HIPK2: variants seen among roughly 807,000 people sequenced by gnomAD.
The protein encoded by HIPK2 is homeodomain interacting protein kinase 2.
A neutral mutation model predicts 113.7 loss-of-function variants in HIPK2; 27 were observed. The observed-to-expected ratio is 0.24, with a 90% CI of 0.17 to 0.33. The LOEUF (loss-of-function observed/expected upper bound fraction) is 0.33, where lower values mean the gene tolerates loss of function less well. Among genes scored for constraint, HIPK2 ranks in the 10% least tolerant of loss-of-function variants. The pLI is 1.00. For missense variants in HIPK2, 1,257 were observed against 1,588.0 expected (o/e 0.79, Z 3.54); for synonymous variants, 631 against 642.2 (o/e 0.98, Z 0.26).
chr7:139,648,362 T>G (rs1335005474), intron 2 of HIPK2, among the ~76,000 whole-genome samples: 2 of 152,172 alleles, frequency 1.3e-5, no homozygotes, highest in Non-Finnish European at 2.9e-5. Context: ...TAGAGGTTGA[T>G]AGACTTCAGA....
intron 2 of HIPK2, among the ~76,000 whole-genome samples, chr7:139,694,155 T>C (rs1794496668): frequency 6.6e-6 from 1 of 152,214 alleles, no homozygotes; most frequent in African/African-American, 2.4e-5. Flanking sequence ...CTGGCTGTAA[T>C]AGATGCACTT....
Position 139,583,983 on chromosome 7 carries a change from G to A in HIPK2, c.2799C>T (p.Thr933=). The change falls in exon 13 of 15, where the codon ACC becomes ACT. Residue 933 remains threonine (T), a synonymous_variant. Transcript: ENST00000406875. ...DSPYSDSSSN[T]SPYSVQQRAG... is the part of the protein sequence containing the mutation. Reference sequence around the variant, plus strand: ...CACGCTGCTGCACGGAGTAGGGGCTGGTGTTGCTGGAGGAGTCGGAGTAGG... The same window carrying A: ...CACGCTGCTGCACGGAGTAGGGGCTAGTGTTGCTGGAGGAGTCGGAGTAGG... 1.2e-6 allele frequency: 2 copies of A among 1,613,976 alleles called. No homozygotes were observed. The highest frequency in any genetic ancestry group is 1.7e-6 in the Non-Finnish European group (2 of 1,179,832).
rs1390546492 is a variant in HIPK2, at chr7:139,631,848, T to C, written c.1104-123A>G. On this transcript the variant is annotated intron_variant, in intron 2 of 14. Coordinates refer to ENST00000406875, the MANE Select transcript of HIPK2 (RefSeq NM_022740.5). The surrounding 1 kb of genome is among the most constrained non-coding windows in gnomAD (Gnocchi z 4.9). Reference sequence around the variant, plus strand: ...ACTCCTCCTCTGAAGGGCCTGTGGCTCTCAGGAGAGGCGCTGTGCTACAAC... The same window carrying C: ...ACTCCTCCTCTGAAGGGCCTGTGGCCCTCAGGAGAGGCGCTGTGCTACAAC... 1 of 1,247,936 alleles carries C rather than the reference T, an allele frequency of 8.0e-7. No homozygotes were observed. Among genetic ancestry groups the C allele is most frequent in the African/African-American group, 1.5e-5 (1 of 65,474 alleles). The allele number at this position is 1,247,936 out of a possible 1,614,324, so 77.3% of individuals were successfully genotyped here.
chr7:139,586,233 T>C (rs1227493562), intron 12 of HIPK2, among the ~76,000 whole-genome samples: 1 of 152,158 alleles, frequency 6.6e-6, no homozygotes, highest in Non-Finnish European at 1.5e-5. Context: ...GTTATGACAG[T>C]TTAAATGTGA....
intron 1 of HIPK2, among the ~76,000 whole-genome samples, chr7:139,765,135 CAA>C (rs113415401): frequency 2.3e-5 from 3 of 130,442 alleles, no homozygotes; most frequent in African/African-American, 8.2e-5. Context: ...GACTCTGTCT[CAA>C]AAAAAAAAAA....
chr7:139,762,848 G>A (rs1304464314), intron 1 of HIPK2, among the ~76,000 whole-genome samples: 2 of 152,158 alleles, frequency 1.3e-5, no homozygotes, highest in Admixed American at 6.5e-5. Context: ...GAAGGCAGGT[G>A]GAAAACAAAT....
rs1798413308 is a variant in HIPK2, at chr7:139,574,257, C to T, written c.3127-860G>A. Among the ~76,000 whole-genome samples the T allele has an allele frequency of 3.3e-5, 5 of 152,110 alleles. No individual in the cohort carries two copies. In the South Asian group the frequency reaches 1.0e-3, roughly 32 times the overall value. ...GGGTGTGGTGGCTCATGCCTGTAGTCTCAGCTACTCGGGAGGCTAAGGTGG... is the reference window on the plus strand; with the variant it reads ...GGGTGTGGTGGCTCATGCCTGTAGTTTCAGCTACTCGGGAGGCTAAGGTGG... On this transcript the variant is annotated intron_variant, in intron 14 of 14. Transcript: ENST00000406875.
intron 13 of HIPK2, among the ~76,000 whole-genome samples, chr7:139,579,285 T>G (rs1798591065): frequency 6.6e-6 from 1 of 152,098 alleles, no homozygotes; most frequent in Non-Finnish European, 1.5e-5. Flanking sequence ...CAAAGACAGA[T>G]CTACACCTCA....
chr7:139,651,165 C>T (rs533130452), intron 2 of HIPK2, among the ~76,000 whole-genome samples: 13 of 152,138 alleles, frequency 8.5e-5, no homozygotes, highest in Non-Finnish European at 1.8e-4. Flanking sequence ...GTCCTCCATC[C>T]AGCCCCTGCC....
At chr7:139,615,181 C>T (rs772522862) in intron 7 of HIPK2, among the ~76,000 whole-genome samples, 21 of 152,154 alleles carry the variant, frequency 1.4e-4, no homozygotes, top group African/African-American at 3.6e-4. Context: ...ATGCAACAGG[C>T]GGAGAGCAGG....
At chr7:139,657,523 A>G (rs1344974359) in intron 2 of HIPK2, among the ~76,000 whole-genome samples, 3 of 152,144 alleles carry the variant, frequency 2.0e-5, no homozygotes, top group African/African-American at 7.2e-5. Flanking sequence ...CCTCCACCCA[A>G]ATGATTCTTG....
intron 11 of HIPK2, among the ~76,000 whole-genome samples, chr7:139,597,266 T>C (rs1799256656): frequency 6.6e-6 from 1 of 152,150 alleles, no homozygotes; most frequent in Non-Finnish European, 1.5e-5. Context: ...GAGGGGGCTC[T>C]TGTGCCCCAG....
At chr7:139,618,431 T>C (rs1329587748) in intron 7 of HIPK2, among the ~76,000 whole-genome samples, 3 of 152,078 alleles carry the variant, frequency 2.0e-5, no homozygotes, top group African/African-American at 7.2e-5. Flanking sequence ...TGGGATGTCA[T>C]TTTCCCTTAC....
rs868157815 is a variant in HIPK2, at chr7:139,575,008, C to T, written c.3126+120G>A. 75 of 1,323,444 alleles carry T rather than the reference C, an allele frequency of 5.7e-5. 1 individual carries two copies. In the Middle Eastern group the frequency reaches 1.1e-3, roughly 19 times the overall value. 82.0% of individuals were successfully genotyped at this position (1,323,444 alleles called of 1,614,324 possible). On this transcript the variant is annotated intron_variant, in intron 14 of 14. Coordinates refer to ENST00000406875, the MANE Select transcript of HIPK2 (RefSeq NM_022740.5). ...GTCACCAAGGGCATGTGCTGCCACC[C>T]GTGGCCAGGACTGCAGCCCTGTGAG...
At chr7:139,730,210 C>T (rs951833691) in intron 1 of HIPK2, among the ~76,000 whole-genome samples, 4 of 152,170 alleles carry the variant, frequency 2.6e-5, no homozygotes, top group African/African-American at 9.7e-5. Context: ...GCCAAACACC[C>T]ATTTCCGGCC....
intron 1 of HIPK2, among the ~76,000 whole-genome samples, chr7:139,731,283 G>A (rs971971150): frequency 1.3e-5 from 2 of 152,202 alleles, no homozygotes; most frequent in African/African-American, 4.8e-5. Context: ...AGCAACAGAA[G>A]CATCTACAGC....
intron 13 of HIPK2, among the ~76,000 whole-genome samples, chr7:139,578,709 C>T (rs944299650): frequency 2.0e-5 from 3 of 152,272 alleles, no homozygotes; most frequent in African/African-American, 7.2e-5. Context: ...CTTGCTCTGT[C>T]GCTCAGGTTG....
intron 1 of HIPK2, among the ~76,000 whole-genome samples, chr7:139,743,258 A>G (rs1796135607): frequency 6.6e-6 from 1 of 152,232 alleles, no homozygotes; most frequent in African/African-American, 2.4e-5. Flanking sequence ...GCACAAAAGC[A>G]GAGGGGCAAC....
At chr7:139,592,966 G>A (rs1242101954) in intron 12 of HIPK2, among the ~76,000 whole-genome samples, 1 of 152,136 alleles carries the variant, frequency 6.6e-6, no homozygotes, top group African/African-American at 2.4e-5. Flanking sequence ...GCCCTTCTCA[G>A]TGCCATGGCT....
Sources: allele counts gnomAD v4.1 joint callset (sites outside exome capture counted in the v4.1 genomes callset), GRCh38; gene constraint gnomAD v4.1.1; non-coding constraint Gnocchi (gnomAD v3.1); transcripts MANE v1.5; gene names NCBI Gene and HGNC (gene_info 2026-07-23, HGNC 2026-07-21).